Variants in AP2B1 observed in about 807,000 individuals in gnomAD.
AP2B1 encodes the protein AP-2 complex subunit beta.
AP2B1 carries 23 observed loss-of-function variants against 102.0 expected under a neutral mutation model. That is an observed-to-expected ratio of 0.23 (90% CI 0.16 to 0.32). The LOEUF is 0.32. AP2B1 is among the 10% of genes least tolerant of loss of function. AP2B1 has a pLI of 1.00. For missense variants in AP2B1, 541 were observed against 1,157.4 expected (o/e 0.47, Z 7.73); for synonymous variants, 381 against 421.2 (o/e 0.90, Z 1.17).
At chr17:35,710,171 A>C in intron 19 of AP2B1, 63 bp from the exon 20 acceptor site, 2 of 1,196,556 alleles carry the variant, frequency 1.7e-6, no homozygotes, top group Non-Finnish European at 2.5e-6. Flanking sequence ...GATGCAAGGC[A>C]TCGAAAATCA....
At chr17:35,647,569 A>G (rs1424734080) in intron 12 of AP2B1, among the ~76,000 whole-genome samples, 1 of 152,180 alleles carries the variant, frequency 6.6e-6, no homozygotes. Context: ...AAATGTAAAG[A>G]TTATCTTGAG....
At chr17:35,607,949 C>T (rs2073741580) in intron 4 of AP2B1, 193 bp from the exon 5 acceptor site, 1 of 642,966 alleles carries the variant, frequency 1.6e-6, no homozygotes. Context: ...TAAATGACTT[C>T]TTCACCTAAA....
chr17:35,643,615 A>G (rs1475365880), intron 12 of AP2B1, among the ~76,000 whole-genome samples: 2 of 152,216 alleles, frequency 1.3e-5, no homozygotes, highest in Non-Finnish European at 2.9e-5. Context: ...GTTCTTACAG[A>G]TAGTCTGAAA....
At chr17:35,683,243 G>A (rs587606663) in intron 18 of AP2B1, among the ~76,000 whole-genome samples, 25 of 152,204 alleles carry the variant, frequency 1.6e-4, no homozygotes, top group African/African-American at 4.6e-4. Flanking sequence ...TCATGGAATC[G>A]GATTTGAAAT....
At chr17:35,596,804 C>T (rs1358677153) in intron 2 of AP2B1, 13 of 629,420 alleles carry the variant, frequency 2.1e-5, no homozygotes, top group Admixed American at 1.7e-4. Context: ...GCATGGGCCC[C>T]CGCAGCGCTG....
At chr17:35,685,456 A>G (rs1273915762) in intron 18 of AP2B1, among the ~76,000 whole-genome samples, 1 of 152,214 alleles carries the variant, frequency 6.6e-6, no homozygotes, top group East Asian at 1.9e-4. Context: ...TAGCTTTTAA[A>G]TATATTTGTA....
At chr17:35,590,137 G>C (rs2073046592) in intron 1 of AP2B1, among the ~76,000 whole-genome samples, 1 of 152,008 alleles carries the variant, frequency 6.6e-6, no homozygotes, top group Non-Finnish European at 1.5e-5. Context: ...TGTTAGCCAG[G>C]ATGGTCTCGA....
chr17:35,682,260 C>CAA (rs11287908), intron 17 of AP2B1, among the ~76,000 whole-genome samples: 1 of 134,770 alleles, frequency 7.4e-6, no homozygotes, highest in Non-Finnish European at 1.6e-5. Flanking sequence ...ACCCTATCTC[C>CAA]AAAAAAAAAA....
intron 6 of AP2B1, among the ~76,000 whole-genome samples, chr17:35,625,440 T>C (rs2142558105): frequency 6.6e-6 from 1 of 152,246 alleles, no homozygotes; most frequent in South Asian, 2.1e-4. Context: ...ACAAATATAG[T>C]CTGGAAATAA....
At chr17:35,647,761 G>A (rs2074974899) in intron 12 of AP2B1, among the ~76,000 whole-genome samples, 1 of 152,076 alleles carries the variant, frequency 6.6e-6, no homozygotes, top group Admixed American at 6.6e-5. Flanking sequence ...GGATGATAAG[G>A]GCCTTAAGTG....
At chr17:35,678,183 A>T (rs2075742625) in intron 17 of AP2B1, among the ~76,000 whole-genome samples, 1 of 152,020 alleles carries the variant, frequency 6.6e-6, no homozygotes, top group Admixed American at 6.6e-5. Context: ...TTTAATTTTA[A>T]TTTTTTATTA....
intron 18 of AP2B1, among the ~76,000 whole-genome samples, chr17:35,692,111 C>A (rs996079418): frequency 1.3e-5 from 2 of 152,186 alleles, no homozygotes; most frequent in Admixed American, 1.3e-4. Context: ...AATGGCCACA[C>A]ATAAGCAATC....
At chr17:35,589,682 T>C (rs994748496) in intron 1 of AP2B1, among the ~76,000 whole-genome samples, 9 of 152,200 alleles carry the variant, frequency 5.9e-5, no homozygotes, top group African/African-American at 2.2e-4. Context: ...CTCTGGCAGC[T>C]TTGTTGTTTA....
At chr17:35,700,451 T>A (rs1260905666) in intron 18 of AP2B1, among the ~76,000 whole-genome samples, 1 of 151,574 alleles carries the variant, frequency 6.6e-6, no homozygotes, top group African/African-American at 2.4e-5. Context: ...AAGAAAAAAA[T>A]AATTCTTCAG....
chr17:35,599,397 A>C (rs1201101670), intron 3 of AP2B1, among the ~76,000 whole-genome samples: 1 of 152,234 alleles, frequency 6.6e-6, no homozygotes, highest in Non-Finnish European at 1.5e-5. Context: ...AAAAAATTAG[A>C]ATTTTGGAAA....
intron 12 of AP2B1, among the ~76,000 whole-genome samples, chr17:35,648,430 C>A (rs1421788768): frequency 1.3e-5 from 2 of 152,046 alleles, no homozygotes; most frequent in Admixed American, 6.6e-5. Flanking sequence ...GCAGGAGAAT[C>A]ACTTGAACCC....
At chr17:35,630,430 AC>A (rs2074430623) in intron 9 of AP2B1, among the ~76,000 whole-genome samples, 1 of 152,220 alleles carries the variant, frequency 6.6e-6, no homozygotes, top group African/African-American at 2.4e-5. Flanking sequence ...CTAGCCGTCT[AC>A]TTAGTATTAA....
intron 3 of AP2B1, among the ~76,000 whole-genome samples, chr17:35,602,257 A>C (rs1597994874): frequency 6.6e-6 from 1 of 152,340 alleles, no homozygotes; most frequent in South Asian, 2.1e-4. Context: ...AAATATACTT[A>C]TGTAATTAGG....
Position 35,650,575 on chromosome 17 carries a change from C to T in AP2B1, c.1582C>T (p.Arg528Cys). The T allele has an allele frequency of 6.2e-7, 1 of 1,614,106 alleles. No homozygotes were observed. The highest frequency in any genetic ancestry group is 8.5e-7 in the Non-Finnish European group (1 of 1,180,026). The change falls in exon 13 of 22, where the codon CGC becomes TGC. Residue 528 changes from arginine to cysteine, a missense_variant. Physicochemically the swap from Arg to Cys is radical, Grantham distance 180 (BLOSUM62 -3). This residue lies in a region of AP2B1 where 106 missense variants were observed against 296.4 expected (regional missense o/e 0.36). Coordinates refer to ENST00000610402, the MANE Select transcript of AP2B1 (RefSeq NM_001030006.2). Reference protein sequence around the residue: ...DLRDRGYIYWRLLSTDPVTAK... With the variant: ...DLRDRGYIYWCLLSTDPVTAK... ...TCGAGACCGGGGCTATATTTATTGG[C>T]GCCTTCTCTCAACTGACCCTGTTAC...
Sources: allele counts gnomAD v4.1 joint callset (sites outside exome capture counted in the v4.1 genomes callset), GRCh38; gene constraint gnomAD v4.1.1; regional missense constraint gnomAD v4.1.1; transcripts MANE v1.5; gene names NCBI Gene and HGNC (gene_info 2026-07-23, HGNC 2026-07-21).